Variants in AFF3 observed in about 807,000 individuals in gnomAD.
AFF3 encodes AF4/FMR2 family member 3.
Under a neutral mutation model 129.7 loss-of-function variants are expected in AFF3, and 32 were observed. The observed-to-expected ratio is 0.25, with a 90% CI of 0.19 to 0.33. The LOEUF (loss-of-function observed/expected upper bound fraction) is 0.33. Ranked by LOEUF, AFF3 falls within the 10% of genes least tolerant of loss-of-function variation. AFF3 has a pLI of 1.00. For synonymous variants in AFF3, 644 were observed against 635.4 expected, an observed-to-expected ratio of 1.01 and a Z score of -0.20; for missense variants, 1,373 against 1,592.0, an observed-to-expected ratio of 0.86 and a Z score of 2.34.
chr2:99,740,274 C>T (rs979118877), intron 10 of AFF3, among the ~76,000 whole-genome samples: 15 of 150,180 alleles, frequency 1.0e-4, no homozygotes, highest in East Asian at 3.9e-4. Context: ...AATAAACATA[C>T]GTGTGCATGT....
chr2:100,083,146 T>G (rs1358158271), intron 4 of AFF3, among the ~76,000 whole-genome samples: 1 of 152,158 alleles, frequency 6.6e-6, no homozygotes, highest in African/African-American at 2.4e-5. Flanking sequence ...AATAATGCAT[T>G]TGAATTCCTA....
At chr2:99,919,027 T>G (rs1465166214) in intron 7 of AFF3, among the ~76,000 whole-genome samples, 1 of 152,166 alleles carries the variant, frequency 6.6e-6, no homozygotes, top group African/African-American at 2.4e-5. Flanking sequence ...CTAATCATTA[T>G]TTTTACTGCT....
chr2:99,670,580 C>T (rs528300491), intron 12 of AFF3, among the ~76,000 whole-genome samples: 32 of 151,816 alleles, frequency 2.1e-4, no homozygotes, highest in African/African-American at 6.3e-4. Context: ...ATGCTGCTTC[C>T]GGGATAAAGC....
At chr2:100,047,179 C>T (rs1445100871) in intron 4 of AFF3, among the ~76,000 whole-genome samples, 1 of 152,228 alleles carries the variant, frequency 6.6e-6, no homozygotes, top group African/African-American at 2.4e-5. Flanking sequence ...GGCCTCTCCA[C>T]CGTCGCTGAA....
intron 8 of AFF3, among the ~76,000 whole-genome samples, chr2:99,772,092 C>T (rs1683535269): frequency 6.6e-6 from 1 of 152,094 alleles, no homozygotes; most frequent in Admixed American, 6.5e-5. Flanking sequence ...TCCCATCCTC[C>T]ACCTCAGAAA....
chr2:100,074,566 G>A (rs189335806), intron 4 of AFF3, among the ~76,000 whole-genome samples: 1 of 152,264 alleles, frequency 6.6e-6, no homozygotes, highest in East Asian at 1.9e-4. Flanking sequence ...TAATAGATTA[G>A]TTTCTTTAAA....
chr2:99,947,597 AAGAAAGATAGATAGAT>A lies in AFF3; in HGVS notation c.873+59019_873+59034del, dbSNP rs1449725519. Among the ~76,000 whole-genome samples the A allele has an allele frequency of 5.1e-3, 721 of 140,790 alleles. 4 individuals are homozygous for A. The highest frequency in any genetic ancestry group is 0.014 in the Middle Eastern group (4 of 290). 92.4% of individuals were successfully genotyped at this position (140,790 alleles called of 152,430 possible). A position where few individuals can be genotyped will look rare whatever the true frequency, so the allele number is the denominator to read the frequency against. The stretch of plus-strand genomic sequence containing the variant: ...AGAAAAGAAAAGAAAGAAAGAAAGA[AAGAAAGATAGATAGAT>A]AGATAGATAGATAGATAGATAGATA... On this transcript the variant is annotated intron_variant, in intron 7 of 24. Coordinates refer to ENST00000672756, the MANE Select transcript of AFF3 (RefSeq NM_001386135.1).
At chr2:99,666,607 G>A (rs1686697135) in intron 12 of AFF3, among the ~76,000 whole-genome samples, 1 of 151,998 alleles carries the variant, frequency 6.6e-6, no homozygotes, top group South Asian at 2.1e-4. Flanking sequence ...CACAGAAATT[G>A]GCAAAGTGAA....
chr2:99,553,414 TGCTATCATGGGAACATA>T (rs1674592067), intron 24 of AFF3, among the ~76,000 whole-genome samples: 1 of 152,198 alleles, frequency 6.6e-6, no homozygotes, highest in Admixed American at 6.5e-5. Context: ...CATGCTCCCA[TGCTATCATGGGAACATA>T]GTTTGCATTT....
chr2:100,022,272 T>C (rs1322359541), intron 4 of AFF3, among the ~76,000 whole-genome samples: 1 of 152,244 alleles, frequency 6.6e-6, no homozygotes, highest in African/African-American at 2.4e-5. Context: ...AGGAATGTTA[T>C]ATATCATGGG....
At chr2:99,817,991 G>A (rs979801685) in intron 8 of AFF3, among the ~76,000 whole-genome samples, 1 of 152,092 alleles carries the variant, frequency 6.6e-6, no homozygotes, top group Admixed American at 6.6e-5. Flanking sequence ...TTCCATCTCT[G>A]ACTCGTTTCT....
chr2:100,060,296 A>G (rs1687164468), intron 4 of AFF3, among the ~76,000 whole-genome samples: 1 of 152,214 alleles, frequency 6.6e-6, no homozygotes, highest in Non-Finnish European at 1.5e-5. Context: ...TAGTCACTCA[A>G]CACAGGGTGA....
intron 7 of AFF3, among the ~76,000 whole-genome samples, chr2:99,982,171 C>T (rs948266952): frequency 2.0e-5 from 3 of 152,178 alleles, no homozygotes; most frequent in Non-Finnish European, 2.9e-5. Context: ...GCTGTGTCCC[C>T]ACCCAAATCT....
At chr2:99,952,991 C>T (rs186594422) in intron 7 of AFF3, among the ~76,000 whole-genome samples, 43 of 152,314 alleles carry the variant, frequency 2.8e-4, no homozygotes, top group Non-Finnish European at 4.4e-5. Context: ...TAAGATAATA[C>T]ATGGAAAGTG....
intron 4 of AFF3, among the ~76,000 whole-genome samples, chr2:100,092,221 C>T (rs1192682608): frequency 1.3e-5 from 2 of 152,018 alleles, no homozygotes; most frequent in East Asian, 3.9e-4. Flanking sequence ...CTTGCTCTTC[C>T]TCCTACTTTC....
At chr2:100,007,781 C>G (rs1052023283) in intron 5 of AFF3, 12 of 320,742 alleles carry the variant, frequency 3.7e-5, no homozygotes, top group African/African-American at 2.4e-4. Context: ...TTGAGATCAG[C>G]CTGACCAACA....
intron 2 of AFF3, among the ~76,000 whole-genome samples, chr2:100,125,141 A>C (rs1446763367): frequency 1.3e-5 from 2 of 151,480 alleles, no homozygotes; most frequent in African/African-American, 4.8e-5. Context: ...ATAAAGAGAC[A>C]TATTGTTGAA....
intron 7 of AFF3, among the ~76,000 whole-genome samples, chr2:99,918,332 T>C (rs1292395688): frequency 3.9e-5 from 6 of 152,152 alleles, no homozygotes; most frequent in Non-Finnish European, 7.3e-5. Flanking sequence ...TCTTGGGCCA[T>C]TTAGAATAAT....
intron 13 of AFF3, among the ~76,000 whole-genome samples, chr2:99,648,587 T>C (rs989292829): frequency 3.3e-5 from 5 of 152,096 alleles, no homozygotes; most frequent in South Asian, 2.1e-4. Flanking sequence ...AAAATACTCA[T>C]GCTCAGTCTG....
Sources: allele counts gnomAD v4.1 joint callset (sites outside exome capture counted in the v4.1 genomes callset), GRCh38; gene constraint gnomAD v4.1.1; transcripts MANE v1.5; gene names NCBI Gene and HGNC (gene_info 2026-07-23, HGNC 2026-07-21).